The following RBFOX3 variants were observed in gnomAD, a reference collection of about 807,000 sequenced individuals.
RBFOX3 encodes the protein RNA binding protein fox-1 homolog 3.
In RBFOX3, 17 loss-of-function variants were observed where a neutral mutation model predicts 48.7. The observed-to-expected ratio is 0.35, with a 90% CI of 0.24 to 0.52. The LOEUF is 0.52. RBFOX3 is among the 20% of genes least tolerant of loss of function. RBFOX3 has a pLI of 0.94. For missense variants in RBFOX3, 382 were observed against 497.5 expected (o/e 0.77, Z 2.21); for synonymous variants, 212 against 209.5 (o/e 1.01, Z -0.10).
the RBFOX3 span, among the ~76,000 whole-genome samples, chr17:79,653,099 T>C: frequency 6.6e-6 from 1 of 152,172 alleles, no homozygotes; most frequent in Non-Finnish European, 1.5e-5. Flanking sequence ...ACCAGACTCG[T>C]TAACTGAACA....
At chr17:79,396,113 A>C (rs1445230685) in intron 2 of RBFOX3, among the ~76,000 whole-genome samples, 2 of 152,224 alleles carry the variant, frequency 1.3e-5, no homozygotes, top group African/African-American at 4.8e-5. Flanking sequence ...GGCAGGGTGC[A>C]AAGCCACGTC....
At chr17:79,121,300 G>A (rs1307984739) in intron 4 of RBFOX3, among the ~76,000 whole-genome samples, 5 of 152,068 alleles carry the variant, frequency 3.3e-5, no homozygotes, top group African/African-American at 1.2e-4. Context: ...AGCCATCAAT[G>A]TTTTCCTCCT....
At chr17:79,458,027 G>A (rs884025) in intron 2 of RBFOX3, among the ~76,000 whole-genome samples, 18,303 of 152,212 alleles carry the variant, frequency 0.12, 1,620 homozygotes, top group East Asian at 0.45. Flanking sequence ...CCTTGACCTC[G>A]CAATCATGCA....
chr17:79,199,475 A>G lies in RBFOX3; in HGVS notation c.-34+36291T>C, dbSNP rs1408255234. ...GGGAAATCAGCCCAGGTGGGACTTGAGGAAGAGGAGAAGGCCAGCCATCTG... is the reference window on the plus strand; with the variant it reads ...GGGAAATCAGCCCAGGTGGGACTTGGGGAAGAGGAGAAGGCCAGCCATCTG... On this transcript the variant is annotated intron_variant, in intron 4 of 14. Coordinates refer to ENST00000693108, the MANE Select transcript of RBFOX3 (RefSeq NM_001350451.2). This position sits in a 1 kb window ranked among gnomAD's most constrained non-coding sequence, Gnocchi z 5.1. Among the ~76,000 whole-genome samples the G allele has an allele frequency of 6.6e-6, 1 of 151,448 alleles. No individual in the cohort carries two copies. Among genetic ancestry groups the G allele is most frequent in the African/African-American group, 2.4e-5 (1 of 41,080 alleles).
At chr17:79,091,396 G>A (rs2073868287) in intron 14 of RBFOX3, among the ~76,000 whole-genome samples, 1 of 152,238 alleles carries the variant, frequency 6.6e-6, no homozygotes, top group Non-Finnish European at 1.5e-5. Flanking sequence ...CCCCAGGCCA[G>A]TGCCAGGAAA....
rs375066865 is a variant in RBFOX3 at position 79,323,588 on chromosome 17, C to T, written c.-174-15764G>A. ...ACAGATGCAGAGTACTCAGTGACTC[C>T]ACCTGCCCACCCAGCTGGACCTCCT... On this transcript the variant is annotated intron_variant, in intron 2 of 14. Coordinates refer to ENST00000693108, the MANE Select transcript of RBFOX3 (RefSeq NM_001350451.2). Among the ~76,000 whole-genome samples the T allele has an allele frequency of 1.9e-4, 29 of 152,338 alleles. 1 individual carries two copies. In the East Asian group the frequency reaches 4.8e-3, roughly 25 times the overall value.
At chr17:79,408,737 T>C (rs1049832611) in intron 2 of RBFOX3, among the ~76,000 whole-genome samples, 1 of 152,242 alleles carries the variant, frequency 6.6e-6, no homozygotes, top group African/African-American at 2.4e-5. Flanking sequence ...ACCAGAATTA[T>C]AACGCCAGGT....
intron 3 of RBFOX3, among the ~76,000 whole-genome samples, chr17:79,279,500 G>A (rs571701557): frequency 3.8e-4 from 58 of 152,296 alleles, no homozygotes; most frequent in African/African-American, 1.3e-3. Context: ...GCACTGTCAC[G>A]GCGGGTTGTG....
Position 79,273,620 on chromosome 17 carries a change from C to T in RBFOX3, c.-74+34104G>A, listed in dbSNP as rs557979249. Among the ~76,000 whole-genome samples the T allele has an allele frequency of 4.6e-5, 7 of 152,058 alleles. No homozygotes were observed. In the East Asian group the frequency reaches 7.8e-4, roughly 17 times the overall value. The stretch of plus-strand genomic sequence containing the variant: ...AGATGGGGCTAGTCCTGGGGGGCAG[C>T]GTGAGGCTGGCCCTGGTCCTGGGGC... On this transcript the variant is annotated intron_variant, in intron 3 of 14. Coordinates refer to ENST00000693108, the MANE Select transcript of RBFOX3 (RefSeq NM_001350451.2).
Position 79,470,538 on chromosome 17 carries a change from C to T in RBFOX3, c.-175+11916G>A, listed in dbSNP as rs373611674. On this transcript the variant is annotated intron_variant, in intron 2 of 14. Transcript: ENST00000693108. ...ACCACCCCTCAGCACACACATGCAT[C>T]TAAGGTTAGAATCCCTTCCCCAACA... Among the ~76,000 whole-genome samples, 79 of 152,312 alleles carry T rather than the reference C, an allele frequency of 5.2e-4. No homozygotes were observed. In the East Asian group the frequency reaches 0.013, roughly 25 times the overall value.
At chr17:79,402,591 G>A (rs566821831) in intron 2 of RBFOX3, among the ~76,000 whole-genome samples, 15 of 152,304 alleles carry the variant, frequency 9.8e-5, no homozygotes, top group Middle Eastern at 3.4e-3. Context: ...GGGTGGTGGG[G>A]ACCCCACTGC....
Position 79,355,422 on chromosome 17 carries a change from C to T in RBFOX3, c.-174-47598G>A, listed in dbSNP as rs112003679. Among the ~76,000 whole-genome samples the T allele has an allele frequency of 1.6e-3, 241 of 152,318 alleles. 2 individuals are homozygous for T. Among genetic ancestry groups the T allele is most frequent in the African/African-American group, 5.2e-3 (216 of 41,572 alleles). The stretch of plus-strand genomic sequence containing the variant: ...GGGATACCCGCCCCCGTTTCCAATG[C>T]TTGTACCCAAGCCAAGTGGCCCCGG... On this transcript the variant is annotated intron_variant, in intron 2 of 14. Transcript: ENST00000693108.
At chr17:79,251,214 C>T (rs75072061) in intron 3 of RBFOX3, among the ~76,000 whole-genome samples, 3,641 of 152,188 alleles carry the variant, frequency 0.024, 142 homozygotes, top group African/African-American at 0.083. Context: ...GCTCTATCCG[C>T]CACCCACCAC....
chr17:79,187,770 C>T (rs958802662), intron 4 of RBFOX3, among the ~76,000 whole-genome samples: 4 of 152,058 alleles, frequency 2.6e-5, no homozygotes, highest in African/African-American at 9.7e-5. Context: ...CAGGGAGAAG[C>T]CCCCACTCAG....
chr17:79,553,825 T>C (rs1599136332), intron 1 of RBFOX3, among the ~76,000 whole-genome samples: 1 of 152,018 alleles, frequency 6.6e-6, no homozygotes, highest in Non-Finnish European at 1.5e-5. Flanking sequence ...CTCTGCCTCC[T>C]GGGTGCAAGC....
chr17:79,537,522 A>AG (rs1474912815), intron 1 of RBFOX3, among the ~76,000 whole-genome samples: 6 of 152,188 alleles, frequency 3.9e-5, no homozygotes, highest in African/African-American at 7.2e-5. Context: ...TGCAATGCCA[A>AG]GGGGGGACAG....
At chr17:79,609,390 C>T (rs1039289880) in intron 1 of RBFOX3, among the ~76,000 whole-genome samples, 1 of 152,108 alleles carries the variant, frequency 6.6e-6, no homozygotes, top group African/African-American at 2.4e-5. Context: ...GCCCGAGAAG[C>T]GACTTCACCA....
the RBFOX3 span, among the ~76,000 whole-genome samples, chr17:79,641,127 G>A: frequency 1.3e-5 from 2 of 152,232 alleles, no homozygotes; most frequent in South Asian, 4.1e-4. Flanking sequence ...AATAACCCAA[G>A]TTTAAAATGG....
At chr17:79,649,731 G>C in the RBFOX3 span, among the ~76,000 whole-genome samples, 3,457 of 152,214 alleles carry the variant, frequency 0.023, 129 homozygotes, top group African/African-American at 0.078. Flanking sequence ...CTTGAAACTG[G>C]GTAATTTTTT....
Sources: gnomAD v4.1 joint callset for allele counts (sites outside exome capture counted in the v4.1 genomes callset) on GRCh38, gnomAD v4.1.1 for gene constraint, Gnocchi (gnomAD v3.1) non-coding constraint, MANE v1.5 for transcripts, NCBI Gene and HGNC (gene_info 2026-07-23, HGNC 2026-07-21) for gene names.